The following HDGFL1 variants were observed in gnomAD, a reference collection of about 807,000 sequenced individuals.
HDGFL1 encodes the protein hepatoma-derived growth factor-like protein 1.
For missense variants in HDGFL1, 422 were observed against 365.3 expected (o/e 1.16, Z -1.27); for synonymous variants, 190 against 165.1 (o/e 1.15, Z -1.16).
In HDGFL1 at chr6:22,570,209, C is replaced by T; in HGVS notation, c.634C>T (p.Leu212=). 4 of 1,567,526 alleles carry T rather than the reference C, an allele frequency of 2.6e-6. No homozygotes were observed. Among genetic ancestry groups the T allele is most frequent in the South Asian group, 1.2e-5 (1 of 85,680 alleles). Residue 212 remains leucine, a synonymous_variant, in exon 1 of 1, where the codon CTG becomes TTG. Coordinates refer to ENST00000510882, the MANE Select transcript of HDGFL1 (RefSeq NM_138574.4). The part of the protein sequence containing the change: ...ENGSAPSEPG[L]VCEPPQPEEE... ...CGGCAGCGCCCCTAGCGAGCCGGGC[C>T]TGGTCTGCGAGCCGCCTCAGCCAGA...
chr6:22,570,131 G>GCGGCGGCGA lies in HDGFL1; in HGVS notation c.561_569dup (p.Ala188_Ala190dup), dbSNP rs761738335. 2.0e-6 allele frequency: 3 copies of GCGGCGGCGA among 1,537,260 alleles called. No homozygotes were observed. The highest frequency in any genetic ancestry group is 1.4e-5 in the African/African-American group (1 of 72,984). ...GGAAGCGGAGAGGGCGGCGGCGGCG[G>GCGGCGGCGA]CGGCGGCGACGGCCGTCGACGAGGA... is the stretch of plus-strand genomic sequence containing the variant. On this transcript the variant is annotated inframe_insertion, in exon 1 of 1. Transcript: ENST00000510882.
rs1369727539 is a variant in HDGFL1, at chr6:22,570,273, A to C, written c.698A>C (p.Glu233Ala). 4 of 1,526,434 alleles carry C rather than the reference A, an allele frequency of 2.6e-6. No homozygotes were observed. The highest frequency in any genetic ancestry group is 2.3e-5 in the East Asian group (1 of 42,974). 94.6% of individuals were successfully genotyped at this position (1,526,434 alleles called of 1,614,324 possible). Residue 233 changes from glutamate to alanine, a missense_variant, in exon 1 of 1, where the codon GAG becomes GCG. Coordinates refer to ENST00000510882, the MANE Select transcript of HDGFL1 (RefSeq NM_138574.4). The stretch of plus-strand genomic sequence containing the variant: ...CGGGAGGAAGAAGTCGCGGACGAGG[A>C]GGCCTCCCAGGAGTGGCATGCCGAG... ...ELREEEVADE[E>A]ASQEWHAEAP...
chr6:22,570,236 G>A lies in HDGFL1; in HGVS notation c.661G>A (p.Glu221Lys), dbSNP rs1248151315. 2.4e-5 allele frequency: 37 copies of A among 1,562,708 alleles called. No individual in the cohort carries two copies. The highest frequency in any genetic ancestry group is 2.9e-5 in the Non-Finnish European group (34 of 1,160,512). The change falls in exon 1 of 1, where the codon GAG (glutamate) becomes AAG (lysine). Residue 221 changes from glutamate to lysine, a missense_variant. Coordinates refer to ENST00000510882, the MANE Select transcript of HDGFL1 (RefSeq NM_138574.4). ...GGTCTGCGAGCCGCCTCAGCCAGAG[G>A]AGGAGGAGCTCCGGGAGGAAGAAGT... Reference protein sequence around the residue: ...GLVCEPPQPEEEELREEEVAD... With the variant: ...GLVCEPPQPEKEELREEEVAD...
Position 22,570,117 on chromosome 6 carries a change from GGGCGGCGGCGGCGGC to G in HDGFL1, c.550_564del (p.Ala184_Ala188del). 2.0e-6 allele frequency: 3 copies of G among 1,529,928 alleles called. No homozygotes were observed. Among genetic ancestry groups the G allele is most frequent in the Non-Finnish European group, 2.6e-6 (3 of 1,139,756 alleles). 94.8% of individuals were successfully genotyped at this position (1,529,928 alleles called of 1,614,324 possible). ...GCGGAGAGGGCGGCGGAAGCGGAGAGGGCGGCGGCGGCGGCGGCGGCGACGGCCGTCGACGAGGAG... is the reference window on the plus strand; with the variant it reads ...GCGGAGAGGGCGGCGGAAGCGGAGAGGGCGGCGACGGCCGTCGACGAGGAG... On this transcript the variant is annotated inframe_deletion, in exon 1 of 1. Transcript: ENST00000510882.
rs761643775 is a variant in HDGFL1, at chr6:22,569,884, C to G, written c.309C>G (p.Asp103Glu). 1 of 1,574,736 alleles carries G rather than the reference C, an allele frequency of 6.4e-7. No individual in the cohort carries two copies. The highest frequency in any genetic ancestry group is 8.6e-7 in the Non-Finnish European group (1 of 1,160,662). The stretch of plus-strand genomic sequence containing the variant: ...TAGCCTCAGAGAAGGGCAGCGGAGA[C>G]GGGCCTTGGCCGGAGCCCGAGGCCG... ...CPLASEKGSGDGPWPEPEAAE... is the reference protein window; with the variant it reads ...CPLASEKGSGEGPWPEPEAAE... Residue 103 changes from aspartate (D) to glutamate (E), a missense_variant, in exon 1 of 1, where the codon GAC becomes GAG. Asp to Glu is a conservative substitution (Grantham distance 45). Coordinates refer to ENST00000510882, the MANE Select transcript of HDGFL1 (RefSeq NM_138574.4).
In HDGFL1 at chr6:22,570,138, C is replaced by T. The variant is rs1233077011; in HGVS notation, c.563C>T (p.Ala188Val). The change falls in exon 1 of 1, where the codon GCG becomes GTG. Residue 188 changes from alanine to valine, a missense_variant. Coordinates refer to ENST00000510882, the MANE Select transcript of HDGFL1 (RefSeq NM_138574.4). ...GAGAGGGCGGCGGCGGCGGCGGCGGCGACGGCCGTCGACGAGGAGAGTCCG... is the reference window on the plus strand; with the variant it reads ...GAGAGGGCGGCGGCGGCGGCGGCGGTGACGGCCGTCGACGAGGAGAGTCCG... Reference protein sequence around the residue: ...EAERAAAAAAATAVDEESPFL... With the variant: ...EAERAAAAAAVTAVDEESPFL... 2.0e-6 allele frequency: 3 copies of T among 1,529,522 alleles called. No homozygotes were observed. Among genetic ancestry groups the T allele is most frequent in the African/African-American group, 1.4e-5 (1 of 71,960 alleles). The allele number at this position is 1,529,522 out of a possible 1,614,324, so 94.7% of individuals were successfully genotyped here.
In HDGFL1 at chr6:22,570,674, G is replaced by A. The variant is rs1760910610; in HGVS notation, c.*343G>A. On this transcript the variant is annotated 3_prime_UTR_variant, in exon 1 of 1. Coordinates refer to ENST00000510882, the MANE Select transcript of HDGFL1 (RefSeq NM_138574.4). ...CGTTGCCTGATTCCGTTTCCGACTT[G>A]GGGTTCAGGCAGGCTGTTTTCACCT... 1.5e-5 allele frequency: 4 copies of A among 271,260 alleles called. No individual in the cohort carries two copies. Among genetic ancestry groups the A allele is most frequent in the Non-Finnish European group, 1.4e-5 (2 of 144,794 alleles). 16.8% of individuals were successfully genotyped at this position (271,260 alleles called of 1,614,324 possible). A position where few individuals can be genotyped will look rare whatever the true frequency, so the allele number is the denominator to read the frequency against.
chr6:22,569,748 C>T lies in HDGFL1; in HGVS notation c.173C>T (p.Pro58Leu), dbSNP rs777371942. 4 of 1,614,124 alleles carry T rather than the reference C, an allele frequency of 2.5e-6. No individual in the cohort carries two copies. The highest frequency in any genetic ancestry group is 2.7e-5 in the African/African-American group (2 of 75,058). The stretch of plus-strand genomic sequence containing the variant: ...TTCCTGAGTCCCAAACGCCTGTTCC[C>T]GTACAAGGAGTGCAAGGAGAAGTTC... ...TAFLSPKRLF[P>L]YKECKEKFGK... The change falls in exon 1 of 1, where the codon CCG becomes CTG. Residue 58 changes from proline to leucine, a missense_variant. Coordinates refer to ENST00000510882, the MANE Select transcript of HDGFL1 (RefSeq NM_138574.4).
rs1190580663 is a variant in HDGFL1 at position 22,570,618 on chromosome 6, G to GCCACC, written c.*305_*309dup. 3.2e-5 allele frequency: 7 copies of GCCACC among 217,478 alleles called. No homozygotes were observed. Among genetic ancestry groups the GCCACC allele is most frequent in the African/African-American group, 2.0e-4 (2 of 9,804 alleles). The allele number at this position is 217,478 out of a possible 1,614,324, so 13.5% of individuals were successfully genotyped here. On this transcript the variant is annotated 3_prime_UTR_variant, in exon 1 of 1. Coordinates refer to ENST00000510882, the MANE Select transcript of HDGFL1 (RefSeq NM_138574.4). ...GCTCCCTCTTCTCCCCCCTCTACCCGCCACCCCACCCCACCCCACCCCCGC... is the reference window on the plus strand; with the variant it reads ...GCTCCCTCTTCTCCCCCCTCTACCCGCCACCCCACCCCACCCCACCCCACCCCCGC...
chr6:22,570,663 G>A lies in HDGFL1; in HGVS notation c.*332G>A. 3.5e-6 allele frequency: 1 copy of A among 284,704 alleles called. No individual in the cohort carries two copies. The highest frequency in any genetic ancestry group is 9.8e-4 in the Middle Eastern group (1 of 1,018). The allele number at this position is 284,704 out of a possible 1,614,324, so 17.6% of individuals were successfully genotyped here. On this transcript the variant is annotated 3_prime_UTR_variant, in exon 1 of 1. Transcript: ENST00000510882. ...CCCCGCCCACTCGTTGCCTGATTCCGTTTCCGACTTGGGGTTCAGGCAGGC... is the reference window on the plus strand; with the variant it reads ...CCCCGCCCACTCGTTGCCTGATTCCATTTCCGACTTGGGGTTCAGGCAGGC...
Position 22,570,253 on chromosome 6 carries a change from G to A in HDGFL1, c.678G>A (p.Glu226=). ...PPQPEEEELR[E]EEVADEEASQ... ...AGCCAGAGGAGGAGGAGCTCCGGGA[G>A]GAAGAAGTCGCGGACGAGGAGGCCT... The change falls in exon 1 of 1, where the codon GAG becomes GAA. Residue 226 remains glutamate (E), a synonymous_variant. Transcript: ENST00000510882. The A allele has an allele frequency of 1.9e-6, 3 of 1,551,494 alleles. No individual in the cohort carries two copies. Among genetic ancestry groups the A allele is most frequent in the Non-Finnish European group, 2.6e-6 (3 of 1,155,436 alleles).
rs1189059184 is a variant in HDGFL1, at chr6:22,570,415, T to G, written c.*84T>G. The G allele has an allele frequency of 8.3e-6, 11 of 1,330,762 alleles. No homozygotes were observed. Among genetic ancestry groups the G allele is most frequent in the Non-Finnish European group, 9.9e-6 (10 of 1,011,866 alleles). The allele number at this position is 1,330,762 out of a possible 1,614,324, so 82.4% of individuals were successfully genotyped here. Reference sequence around the variant, plus strand: ...GGGAATCTGACCACGGCGTGCAAACTGGGACTGCCTTTCCCTCTCCTCAGC... The same window carrying G: ...GGGAATCTGACCACGGCGTGCAAACGGGGACTGCCTTTCCCTCTCCTCAGC... On this transcript the variant is annotated 3_prime_UTR_variant, in exon 1 of 1. Coordinates refer to ENST00000510882, the MANE Select transcript of HDGFL1 (RefSeq NM_138574.4).
In HDGFL1 at chr6:22,569,864, T is replaced by G. The variant is rs1180480329; in HGVS notation, c.289T>G (p.Ser97Ala). 7 of 1,596,460 alleles carry G rather than the reference T, an allele frequency of 4.4e-6. No individual in the cohort carries two copies. The Admixed American group carries it at 5.2e-5, about 12-fold the overall frequency. Residue 97 changes from serine (S) to alanine (A), a missense_variant, in exon 1 of 1, where the codon TCA (serine) becomes GCA (alanine). Coordinates refer to ENST00000510882, the MANE Select transcript of HDGFL1 (RefSeq NM_138574.4). The part of the protein sequence containing the change: ...TVQASDCPLA[S>A]EKGSGDGPWP... The stretch of plus-strand genomic sequence containing the variant: ...CCAGGCCTCCGACTGCCCATTAGCC[T>G]CAGAGAAGGGCAGCGGAGACGGGCC...
In HDGFL1 at chr6:22,571,305, C is replaced by T. The variant is rs1465540903; in HGVS notation, c.*974C>T. The T allele has an allele frequency of 6.0e-6, 1 of 167,140 alleles. No homozygotes were observed. The highest frequency in any genetic ancestry group is 1.5e-5 in the Non-Finnish European group (1 of 68,154). 10.4% of individuals were successfully genotyped at this position (167,140 alleles called of 1,614,324 possible). A position where few individuals can be genotyped will look rare whatever the true frequency, so the allele number is the denominator to read the frequency against. On this transcript the variant is annotated 3_prime_UTR_variant, in exon 1 of 1. Transcript: ENST00000510882. Reference sequence around the variant, plus strand: ...CTCTAGGTGTGCCTCCACGCTGGCCCTAGCTTTCCCATTGCTGTTCCATTG... The same window carrying T: ...CTCTAGGTGTGCCTCCACGCTGGCCTTAGCTTTCCCATTGCTGTTCCATTG...
At position 22,570,087 on chromosome 6, in the gene HDGFL1, C is replaced by T. The variant is rs758743525; in HGVS notation, c.512C>T (p.Ala171Val). 2.9e-5 allele frequency: 44 copies of T among 1,538,832 alleles called. No individual in the cohort carries two copies. Among genetic ancestry groups the T allele is most frequent in the Non-Finnish European group, 3.4e-5 (39 of 1,143,184 alleles). Residue 171 changes from alanine (A) to valine (V), a missense_variant, in exon 1 of 1, where the codon GCG becomes GTG. Physicochemically the swap from Ala to Val is moderately conservative, Grantham distance 64. Coordinates refer to ENST00000510882, the MANE Select transcript of HDGFL1 (RefSeq NM_138574.4). ...KEAAPDQEEEAEAERAAEAER... is the reference protein window; with the variant it reads ...KEAAPDQEEEVEAERAAEAER... ...GCAGCCCCCGACCAAGAGGAGGAGGCGGAGGCGGAGAGGGCGGCGGAAGCG... is the reference window on the plus strand; with the variant it reads ...GCAGCCCCCGACCAAGAGGAGGAGGTGGAGGCGGAGAGGGCGGCGGAAGCG...
In HDGFL1 at chr6:22,571,206, G is replaced by C. The variant is rs1210936371; in HGVS notation, c.*875G>C. The C allele has an allele frequency of 1.2e-5, 2 of 166,904 alleles. No homozygotes were observed. Among genetic ancestry groups the C allele is most frequent in the South Asian group, 2.1e-4 (1 of 4,830 alleles). 10.3% of individuals were successfully genotyped at this position (166,904 alleles called of 1,614,324 possible). Reference sequence around the variant, plus strand: ...CTACCGTCATATATATCACTCAGGCGTAGAAGAAAAGACACATATTTTATA... The same window carrying C: ...CTACCGTCATATATATCACTCAGGCCTAGAAGAAAAGACACATATTTTATA... On this transcript the variant is annotated 3_prime_UTR_variant, in exon 1 of 1. Transcript: ENST00000510882.
In HDGFL1 at chr6:22,569,909, G is replaced by A; in HGVS notation, c.334G>A (p.Ala112Thr). ...GDGPWPEPEAAEGDEDKPTHA... is the reference protein window; with the variant it reads ...GDGPWPEPEATEGDEDKPTHA... Reference sequence around the variant, plus strand: ...CGGGCCTTGGCCGGAGCCCGAGGCCGCAGAGGGCGACGAGGACAAGCCGAC... The same window carrying A: ...CGGGCCTTGGCCGGAGCCCGAGGCCACAGAGGGCGACGAGGACAAGCCGAC... The change falls in exon 1 of 1, where the codon GCA becomes ACA. Residue 112 changes from alanine (A) to threonine (T), a missense_variant. Transcript: ENST00000510882. 2 of 1,558,656 alleles carry A rather than the reference G, an allele frequency of 1.3e-6. No individual in the cohort carries two copies. The highest frequency in any genetic ancestry group is 1.4e-5 in the African/African-American group (1 of 73,384).
Position 22,571,221 on chromosome 6 carries a change from CAT to C in HDGFL1, c.*893_*894del, listed in dbSNP as rs1441912668. 2.4e-5 allele frequency: 4 copies of C among 166,820 alleles called. No individual in the cohort carries two copies. Among genetic ancestry groups the C allele is most frequent in the African/African-American group, 9.7e-5 (4 of 41,208 alleles). The allele number at this position is 166,820 out of a possible 1,614,324, so 10.3% of individuals were successfully genotyped here. ...TCACTCAGGCGTAGAAGAAAAGACA[CAT>C]ATTTTATAAAATCTTTTTAATAAAA... On this transcript the variant is annotated 3_prime_UTR_variant, in exon 1 of 1. Transcript: ENST00000510882.
chr6:22,570,269 G>T, the HDGFL1 span: 10 of 1,535,740 alleles, frequency 6.5e-6, no homozygotes, highest in Admixed American at 6.3e-5. Context: ...AGTCGCGGAC[G>T]AGGAGGCCTC....
Sources: gnomAD v4.1 joint callset for allele counts on GRCh38, gnomAD v4.1.1 for gene constraint, MANE v1.5 for transcripts, NCBI Gene and HGNC (gene_info 2026-07-23, HGNC 2026-07-21) for gene names.